The following MAPK10 variants were observed in gnomAD, a reference collection of about 807,000 sequenced individuals.
MAPK10 encodes mitogen-activated protein kinase 10, also known as JNK3 alpha protein kinase.
A neutral mutation model predicts 59.3 loss-of-function variants in MAPK10; 25 were observed. The ratio of observed to expected loss-of-function variants is 0.42; its 90% CI spans 0.31 to 0.59. The LOEUF (loss-of-function observed/expected upper bound fraction) is 0.59. MAPK10 is among the 20% of genes least tolerant of loss of function. The pLI is 0.15. For synonymous variants in MAPK10, 190 were observed against 200.5 expected, an observed-to-expected ratio of 0.95 and a Z score of 0.44; for missense variants, 351 against 568.9, an observed-to-expected ratio of 0.62 and a Z score of 3.90.
intron 9 of MAPK10, among the ~76,000 whole-genome samples, chr4:86,092,545 A>G (rs1399627282): frequency 3.3e-5 from 5 of 151,984 alleles, no homozygotes; most frequent in African/African-American, 1.2e-4. Flanking sequence ...AGTAGTAGTA[A>G]GCCTTCCCTC....
chr4:86,493,408 G>T (rs557146014), intron 1 of MAPK10, among the ~76,000 whole-genome samples: 13 of 152,190 alleles, frequency 8.5e-5, no homozygotes, highest in African/African-American at 3.1e-4. Context: ...ATTTTAAAAG[G>T]TCTCTCGTAT....
intron 12 of MAPK10, among the ~76,000 whole-genome samples, chr4:86,029,628 T>C (rs779750366): frequency 5.3e-5 from 8 of 152,178 alleles, no homozygotes; most frequent in Non-Finnish European, 1.0e-4. Context: ...ATGAAACAAG[T>C]AATACATGTT....
In MAPK10 at chr4:86,067,770, T is replaced by C. The variant is rs374607163; in HGVS notation, c.985+3A>G. On this transcript the variant is annotated splice_donor_region_variant and intron_variant, in intron 10 of 13. Coordinates refer to ENST00000641462, the MANE Select transcript of MAPK10 (RefSeq NM_138982.4). ...GTCCTCAAGTCATTCCTGAAGGGCA[T>C]ACCTTTGAGTTTATTGTGCTCGGAG... 3.1e-5 allele frequency: 50 copies of C among 1,607,204 alleles called. No individual in the cohort carries two copies. Among genetic ancestry groups the C allele is most frequent in the Middle Eastern group, 3.3e-4 (2 of 6,020 alleles).
intron 1 of MAPK10, among the ~76,000 whole-genome samples, chr4:86,372,675 C>A (rs1485423354): frequency 6.6e-6 from 1 of 151,964 alleles, no homozygotes; most frequent in Admixed American, 6.6e-5. Flanking sequence ...GGGTAAATAA[C>A]AAAATTAAGG....
At chr4:86,325,172 C>T (rs998912621) in intron 2 of MAPK10, among the ~76,000 whole-genome samples, 3 of 152,096 alleles carry the variant, frequency 2.0e-5, no homozygotes, top group Non-Finnish European at 4.4e-5. Flanking sequence ...TAAAGCACGC[C>T]ACACCAATAA....
Position 86,071,514 on chromosome 4 carries a change from T to C in MAPK10, c.803-3559A>G, listed in dbSNP as rs545252683. Among the ~76,000 whole-genome samples, 273 of 147,022 alleles carry C rather than the reference T, an allele frequency of 1.9e-3. 3 individuals are homozygous for C. The highest frequency in any genetic ancestry group is 6.5e-3 in the African/African-American group (252 of 38,808). On this transcript the variant is annotated intron_variant, in intron 9 of 13. Transcript: ENST00000641462. ...ATGCCTAGGTTTTCTTCTAGGGTTT[T>C]TATGGTTTTAGGTCTAACGTTTAAG...
chr4:86,421,762 A>G (rs1579155937), intron 1 of MAPK10, among the ~76,000 whole-genome samples: 1 of 152,322 alleles, frequency 6.6e-6, no homozygotes, highest in East Asian at 1.9e-4. Flanking sequence ...ACACAGCCAG[A>G]GTGAGTTTTT....
chr4:86,141,591 G>A (rs1386020618), intron 4 of MAPK10, among the ~76,000 whole-genome samples: 1 of 152,174 alleles, frequency 6.6e-6, no homozygotes, highest in Non-Finnish European at 1.5e-5. Flanking sequence ...AGCCATTCCT[G>A]GGGTAATAAT....
chr4:86,369,239 C>A (rs184792659), intron 1 of MAPK10, among the ~76,000 whole-genome samples: 1 of 152,008 alleles, frequency 6.6e-6, no homozygotes, highest in East Asian at 1.9e-4. Flanking sequence ...GGCTAAGAAG[C>A]AAAATATGAG....
intron 1 of MAPK10, among the ~76,000 whole-genome samples, chr4:86,554,509 A>G (rs1760101880): frequency 6.6e-6 from 1 of 152,206 alleles, no homozygotes; most frequent in African/African-American, 2.4e-5. Context: ...TAAAAAATTC[A>G]TCTGGAGTGT....
At chr4:86,354,436 TC>T in intron 2 of MAPK10, 93 bp downstream of exon 2, 1 of 482,258 alleles carries the variant, frequency 2.1e-6, no homozygotes, top group Non-Finnish European at 3.3e-6. Context: ...GCAGTATTTC[TC>T]CAGCTCCATG....
intron 2 of MAPK10, among the ~76,000 whole-genome samples, chr4:86,339,184 A>G (rs977384013): frequency 6.6e-6 from 1 of 152,164 alleles, no homozygotes; most frequent in African/African-American, 2.4e-5. Flanking sequence ...GGTCTAAAGC[A>G]AATATGTACA....
intron 1 of MAPK10, among the ~76,000 whole-genome samples, chr4:86,577,072 G>A (rs1317965388): frequency 2.6e-5 from 4 of 152,108 alleles, no homozygotes; most frequent in Admixed American, 6.6e-5. Context: ...GGGATGCCGA[G>A]GTGGGAGGGT....
chr4:86,498,655 G>A (rs1755074517), intron 1 of MAPK10, among the ~76,000 whole-genome samples: 1 of 152,162 alleles, frequency 6.6e-6, no homozygotes, highest in South Asian at 2.1e-4. Context: ...GCTATAATAA[G>A]AATTTAGAAT....
At chr4:86,445,937 G>C (rs917257244) in intron 1 of MAPK10, among the ~76,000 whole-genome samples, 2 of 152,044 alleles carry the variant, frequency 1.3e-5, no homozygotes, top group African/African-American at 2.4e-5. Context: ...AAAGAGATTA[G>C]AGAAGGAATA....
intron 4 of MAPK10, among the ~76,000 whole-genome samples, chr4:86,108,049 C>T (rs2056841735): frequency 6.6e-6 from 1 of 151,980 alleles, no homozygotes; most frequent in South Asian, 2.1e-4. Flanking sequence ...CACTGGTGGG[C>T]TGATGATCAA....
intron 1 of MAPK10, among the ~76,000 whole-genome samples, chr4:86,545,002 G>A (rs62308404): frequency 6.6e-6 from 1 of 152,202 alleles, no homozygotes; most frequent in South Asian, 2.1e-4. Flanking sequence ...AAAGAAGAGA[G>A]GAAGGAAGAA....
intron 2 of MAPK10, among the ~76,000 whole-genome samples, chr4:86,273,699 A>G (rs1275403459): frequency 6.6e-6 from 1 of 152,032 alleles, no homozygotes; most frequent in Admixed American, 6.6e-5. Context: ...GTTTTTCATT[A>G]ATACCCCTCC....
At chr4:86,523,030 C>T (rs1473143149) in intron 1 of MAPK10, among the ~76,000 whole-genome samples, 1 of 152,170 alleles carries the variant, frequency 6.6e-6, no homozygotes, top group African/African-American at 2.4e-5. Flanking sequence ...TGTCCTTTTG[C>T]AACATAAGTT....
Sources: gnomAD v4.1 joint callset for allele counts (sites outside exome capture counted in the v4.1 genomes callset) on GRCh38, gnomAD v4.1.1 for gene constraint, MANE v1.5 for transcripts, NCBI Gene and HGNC (gene_info 2026-07-23, HGNC 2026-07-21) for gene names.